ZNF211: variants seen among roughly 807,000 people sequenced by gnomAD.
ZNF211 encodes the protein zinc finger protein C2H2-25.
Under a neutral mutation model 12.1 loss-of-function variants are expected in ZNF211, and 18 were observed. The ratio of observed to expected loss-of-function variants is 1.48; its 90% CI spans 1.03 to 2.20. The LOEUF is 2.20. ZNF211 is among the 30% of genes most tolerant of loss of function. The pLI, the probability that ZNF211 is intolerant of heterozygous loss-of-function variation, is 0.00. For synonymous variants in ZNF211, 249 were observed against 246.0 expected, an observed-to-expected ratio of 1.01 and a Z score of -0.11; for missense variants, 677 against 703.1, an observed-to-expected ratio of 0.96 and a Z score of 0.42.
At position 57,641,147 on chromosome 19, in the gene ZNF211, G is replaced by A. The variant is rs1385184560; in HGVS notation, c.700G>A (p.Ala234Thr). 2 of 1,614,080 alleles carry A rather than the reference G, an allele frequency of 1.2e-6. No homozygotes were observed. The highest frequency in any genetic ancestry group is 1.7e-6 in the Non-Finnish European group (2 of 1,180,032). ...AAATAACAGTAACAAGTGTGCGGTG[G>A]CCTTTTACAGTGGAAAAAGTCATCA... Reference protein sequence around the residue: ...KPNNSNKCAVAFYSGKSHHNW... With the variant: ...KPNNSNKCAVTFYSGKSHHNW... Residue 234 changes from alanine to threonine, a missense_variant, in exon 4 of 4, where the codon GCC (alanine) becomes ACC (threonine). By Grantham distance (58) the Ala-to-Thr change is moderately conservative (BLOSUM62 0). Transcript: ENST00000240731.
At chr19:57,639,733 T>C (rs536867077) in intron 3 of ZNF211, among the ~76,000 whole-genome samples, 3 of 152,208 alleles carry the variant, frequency 2.0e-5, no homozygotes, top group Non-Finnish European at 4.4e-5. Flanking sequence ...GTTCTTTGTA[T>C]ACTTCATGTA....
chr19:57,640,685 A>G lies in ZNF211; in HGVS notation c.257-19A>G. The G allele has an allele frequency of 1.2e-6, 2 of 1,609,526 alleles. No homozygotes were observed. The highest frequency in any genetic ancestry group is 1.7e-6 in the Non-Finnish European group (2 of 1,177,032). ...TAATAAAGGTAACATGTACTTCACC[A>G]TGATCTCTTTACTTTTAGGTTGTTG... is the stretch of plus-strand genomic sequence containing the variant. On this transcript the variant is annotated intron_variant, in intron 3 of 3. Transcript: ENST00000240731.
rs574768934 is a variant in ZNF211 at position 57,641,135 on chromosome 19, A to C, written c.688A>C (p.Lys230Gln). The change falls in exon 4 of 4, where the codon AAG (lysine) becomes CAG (glutamine). Residue 230 changes from lysine (K) to glutamine (Q), a missense_variant. Transcript: ENST00000240731. ...QTGEKPNNSNKCAVAFYSGKS... is the reference protein window; with the variant it reads ...QTGEKPNNSNQCAVAFYSGKS... Reference sequence around the variant, plus strand: ...AGGGGAGAAGCCAAATAACAGTAACAAGTGTGCGGTGGCCTTTTACAGTGG... The same window carrying C: ...AGGGGAGAAGCCAAATAACAGTAACCAGTGTGCGGTGGCCTTTTACAGTGG... 1.2e-5 allele frequency: 19 copies of C among 1,614,222 alleles called. No homozygotes were observed. Among genetic ancestry groups the C allele is most frequent in the African/African-American group, 6.7e-5 (5 of 75,054 alleles).
At position 57,642,891 on chromosome 19, in the gene ZNF211, G is replaced by A. The variant is rs3746210; in HGVS notation, c.*710G>A. The stretch of plus-strand genomic sequence containing the variant: ...GGTGTCATATGCCTCAGTGACAACA[G>A]TATAATGGAAAAATACAACTGTCTT... On this transcript the variant is annotated 3_prime_UTR_variant, in exon 4 of 4. Coordinates refer to ENST00000240731, the MANE Select transcript of ZNF211 (RefSeq NM_006385.5). 27,487 of 152,124 alleles carry A rather than the reference G, an allele frequency of 0.18. 2,658 individuals are homozygous for A. Among genetic ancestry groups the A allele is most frequent in the East Asian group, 0.32 (1,649 of 5,172 alleles). The allele number at this position is 152,124 out of a possible 1,614,324, so 9.4% of individuals were successfully genotyped here.
In ZNF211 at chr19:57,641,567, A is replaced by G; in HGVS notation, c.1120A>G (p.Arg374Gly). The G allele has an allele frequency of 6.2e-7, 1 of 1,614,150 alleles. No individual in the cohort carries two copies. The highest frequency in any genetic ancestry group is 8.5e-7 in the Non-Finnish European group (1 of 1,180,038). ...AAGGTCCAACCTCATGCAGCATCGC[A>G]GAGTTCACACTGGAGAAAGGCCTTA... ...SQRSNLMQHR[R>G]VHTGERPYEC... Residue 374 changes from arginine to glycine, a missense_variant, in exon 4 of 4, where the codon AGA becomes GGA. Coordinates refer to ENST00000240731, the MANE Select transcript of ZNF211 (RefSeq NM_006385.5).
chr19:57,633,998 C>G (rs748760163), intron 1 of ZNF211, 25 bp from the exon 2 acceptor site: 2 of 1,594,340 alleles, frequency 1.3e-6, no homozygotes, highest in Non-Finnish European at 1.7e-6. Context: ...GATCACATTC[C>G]TCTGAGGCCT....
chr19:57,637,665 G>T (rs1982313699), intron 3 of ZNF211, among the ~76,000 whole-genome samples: 1 of 152,064 alleles, frequency 6.6e-6, no homozygotes, highest in African/African-American at 2.4e-5. Context: ...TTGGTTGATG[G>T]TTTTTGCATT....
At chr19:57,633,744 CGA>C in intron 1 of ZNF211, 1 of 1,533,586 alleles carries the variant, frequency 6.5e-7, no homozygotes, top group Admixed American at 2.0e-5. Flanking sequence ...CTTGCGCAAA[CGA>C]GAGACACCAT....
At chr19:57,639,963 T>C in intron 3 of ZNF211, 1 of 1,521,368 alleles carries the variant, frequency 6.6e-7, no homozygotes, top group Non-Finnish European at 8.8e-7. Flanking sequence ...CTAGGGGAAG[T>C]GCCCTCTGTT....
intron 3 of ZNF211, chr19:57,639,863 G>A: frequency 2.7e-6 from 4 of 1,474,926 alleles, no homozygotes; most frequent in Non-Finnish European, 3.6e-6. Flanking sequence ...TTTGTGCCGT[G>A]TTGTTCTGGG....
chr19:57,633,691 A>C (rs1287450379), intron 1 of ZNF211: 1 of 1,533,876 alleles, frequency 6.5e-7, no homozygotes, highest in South Asian at 1.2e-5. Flanking sequence ...AAAGTTTGAG[A>C]GAGATCTACC....
chr19:57,634,155 T>C (rs1981841674), intron 2 of ZNF211, 94 bp downstream of exon 2: 3 of 1,346,822 alleles, frequency 2.2e-6, no homozygotes. Context: ...GTCATGGGAC[T>C]CACCTACCAT....
At chr19:57,634,390 T>C (rs1981874546) in intron 2 of ZNF211, 1 of 480,662 alleles carries the variant, frequency 2.1e-6, no homozygotes, top group East Asian at 3.5e-5. Flanking sequence ...TGTGAGGAAG[T>C]TGGAGTTTGG....
At chr19:57,633,464 C>A in intron 1 of ZNF211, 28 bp downstream of exon 1, 1 of 1,571,186 alleles carries the variant, frequency 6.4e-7, no homozygotes. Flanking sequence ...CGGGCCTCCC[C>A]CGGCCGAGAT....
chr19:57,640,706 T>C lies in ZNF211; in HGVS notation c.259T>C (p.Cys87Arg), dbSNP rs1294607609. ...ENFALTSSLG[C>R]WCGVEHEETP... ...CACCATGATCTCTTTACTTTTAGGT[T>C]GTTGGTGTGGAGTGGAACATGAGGA... Residue 87 changes from cysteine (C) to arginine (R), a missense_variant and splice_region_variant, in exon 4 of 4, where the codon TGT becomes CGT. Coordinates refer to ENST00000240731, the MANE Select transcript of ZNF211 (RefSeq NM_006385.5). 1.2e-6 allele frequency: 2 copies of C among 1,612,434 alleles called. No individual in the cohort carries two copies. Among genetic ancestry groups the C allele is most frequent in the East Asian group, 4.5e-5 (2 of 44,862 alleles).
chr19:57,639,251 G>A (rs1599963838), intron 3 of ZNF211, among the ~76,000 whole-genome samples: 1 of 151,314 alleles, frequency 6.6e-6, no homozygotes, highest in South Asian at 2.1e-4. Flanking sequence ...GATAAGGAAG[G>A]GCAGACTTCT....
chr19:57,634,649 T>C lies in ZNF211; in HGVS notation c.150T>C (p.Asp50=). Residue 50 remains aspartate, a synonymous_variant, in exon 3 of 4, where the codon GAT becomes GAC. Coordinates refer to ENST00000240731, the MANE Select transcript of ZNF211 (RefSeq NM_006385.5). ...GCTAGGGAAGTGTGACCTTTGAAGA[T>C]GTGGCCGTGTACTTCTCCTGGGAGG... The part of the protein sequence containing the change: ...KLTQGSVTFE[D]VAVYFSWEEW... 6.3e-7 allele frequency: 1 copy of C among 1,597,984 alleles called. No homozygotes were observed. Among genetic ancestry groups the C allele is most frequent in the Non-Finnish European group, 8.5e-7 (1 of 1,171,730 alleles).
In ZNF211 at chr19:57,641,306, C is replaced by CA; in HGVS notation, c.860dup (p.His288AlafsTer7). On this transcript the variant is annotated frameshift_variant, in exon 4 of 4. Transcript: ENST00000240731. LOFTEE classifies it low-confidence loss of function (END_TRUNC). ...ATGTACGCGAAGATGTAACCTCATT[C>CA]AGCACCAGAAAGTCCACAGTGAAGA... 1 of 1,614,174 alleles carries CA rather than the reference C, an allele frequency of 6.2e-7. No homozygotes were observed. The highest frequency in any genetic ancestry group is 8.5e-7 in the Non-Finnish European group (1 of 1,180,036).
rs1983167201 is a variant in ZNF211, at chr19:57,643,124, T to G, written c.*943T>G. Among the ~76,000 whole-genome samples the G allele has an allele frequency of 6.6e-6, 1 of 152,134 alleles. No individual in the cohort carries two copies. Among genetic ancestry groups the G allele is most frequent in the Non-Finnish European group, 1.5e-5 (1 of 68,034 alleles). Reference sequence around the variant, plus strand: ...GTTATTCACAAGGGTTATTACATACTGCCCAGCACTGTTGAGGCAGTCTAC... The same window carrying G: ...GTTATTCACAAGGGTTATTACATACGGCCCAGCACTGTTGAGGCAGTCTAC... On this transcript the variant is annotated 3_prime_UTR_variant, in exon 4 of 4. Coordinates refer to ENST00000240731, the MANE Select transcript of ZNF211 (RefSeq NM_006385.5).
Sources: gnomAD v4.1 joint callset for allele counts (sites outside exome capture counted in the v4.1 genomes callset) on GRCh38, gnomAD v4.1.1 for gene constraint, MANE v1.5 for transcripts, NCBI Gene and HGNC (gene_info 2026-07-23, HGNC 2026-07-21) for gene names.